Variants in GRIK3 observed in about 807,000 individuals in gnomAD.
GRIK3 encodes glutamate receptor ionotropic, kainate 3.
In GRIK3, 29 loss-of-function variants were observed where a neutral mutation model predicts 102.5. The observed-to-expected ratio is 0.28, with a 90% CI of 0.21 to 0.39. GRIK3 has a LOEUF of 0.39. Among genes scored for constraint, GRIK3 ranks in the 10% least tolerant of loss-of-function variants. The probability of loss-of-function intolerance (pLI) is 1.00; values close to 1 mark genes in which losing one functional copy is unlikely to be tolerated. For missense variants in GRIK3, 908 were observed against 1,252.4 expected (o/e 0.73, Z 4.15); for synonymous variants, 511 against 504.9 (o/e 1.01, Z -0.16).
At chr1:36,827,595 G>A (rs1416710984) in intron 10 of GRIK3, among the ~76,000 whole-genome samples, 2 of 152,142 alleles carry the variant, frequency 1.3e-5, no homozygotes, top group Admixed American at 1.3e-4. Flanking sequence ...CTGCCCTCAT[G>A]GAGCTTACAG....
intron 1 of GRIK3, among the ~76,000 whole-genome samples, chr1:36,947,559 TCTC>T (rs994685163): frequency 7.2e-5 from 11 of 152,274 alleles, no homozygotes; most frequent in African/African-American, 2.6e-4. Flanking sequence ...CCTGTCAGGT[TCTC>T]CTCTCCCCGT....
In GRIK3 at chr1:37,034,144, G is replaced by C. The variant is rs763321065; in HGVS notation, c.-36C>G. The C allele has an allele frequency of 1.3e-5, 15 of 1,165,504 alleles. No individual in the cohort carries two copies. The African/African-American group carries it at 1.9e-4, about 15-fold the overall frequency. The allele number at this position is 1,165,504 out of a possible 1,614,324, so 72.2% of individuals were successfully genotyped here. A position where few individuals can be genotyped will look rare whatever the true frequency, so the allele number is the denominator to read the frequency against. ...CGCCGAGCGTGCCCGGGGCGCGGCCGTGGCGGGCTCCCTGGGGCGGCAGCT... is the reference window on the plus strand; with the variant it reads ...CGCCGAGCGTGCCCGGGGCGCGGCCCTGGCGGGCTCCCTGGGGCGGCAGCT... On this transcript the variant is annotated 5_prime_UTR_variant, in exon 1 of 16. Transcript: ENST00000373091.
At chr1:36,971,292 T>G (rs1228048388) in intron 1 of GRIK3, among the ~76,000 whole-genome samples, 1 of 152,208 alleles carries the variant, frequency 6.6e-6, no homozygotes, top group Admixed American at 6.5e-5. Flanking sequence ...AGGGCTTTAT[T>G]CAAGAGCTTG....
At chr1:36,857,990 G>A (rs1017390406) in intron 7 of GRIK3, among the ~76,000 whole-genome samples, 6 of 152,360 alleles carry the variant, frequency 3.9e-5, no homozygotes, top group Admixed American at 2.6e-4. Context: ...TTGAATAAAT[G>A]AGTGTGCTCC....
chr1:37,004,289 C>A (rs954374168), intron 1 of GRIK3, among the ~76,000 whole-genome samples: 5 of 152,180 alleles, frequency 3.3e-5, no homozygotes, highest in Non-Finnish European at 7.3e-5. Flanking sequence ...GATAATAATA[C>A]CAGCCTATCT....
intron 1 of GRIK3, among the ~76,000 whole-genome samples, chr1:36,964,453 T>C (rs748210826): frequency 3.9e-5 from 6 of 152,132 alleles, no homozygotes; most frequent in Non-Finnish European, 7.4e-5. Flanking sequence ...GCAGCATCCA[T>C]AGACAAGTCC....
chr1:37,021,616 G>T (rs532616712), intron 1 of GRIK3, among the ~76,000 whole-genome samples: 1 of 152,258 alleles, frequency 6.6e-6, no homozygotes, highest in South Asian at 2.1e-4. Context: ...TAAAATAGAC[G>T]GCTGTCACCT....
At chr1:37,004,498 C>T (rs1402663695) in intron 1 of GRIK3, among the ~76,000 whole-genome samples, 1 of 152,178 alleles carries the variant, frequency 6.6e-6, no homozygotes, top group Non-Finnish European at 1.5e-5. Context: ...TCCCAGCCCC[C>T]ACTTTCCTGC....
chr1:37,027,841 A>G (rs528017751), intron 1 of GRIK3, among the ~76,000 whole-genome samples: 2 of 152,202 alleles, frequency 1.3e-5, no homozygotes, highest in Admixed American at 1.3e-4. Context: ...CCCTGGCCCC[A>G]TGGGAGAAGG....
Position 36,856,628 on chromosome 1 carries a change from C to A in GRIK3, c.1104+2480G>T, listed in dbSNP as rs931162260. ...CTGTGGGACCACAGGTACCACGGGG[C>A]TATTCTGGGCCTTAGCCATGTCCAT... On this transcript the variant is annotated intron_variant, in intron 7 of 15. Coordinates refer to ENST00000373091, the MANE Select transcript of GRIK3 (RefSeq NM_000831.4). 5.3e-5 allele frequency among the ~76,000 whole-genome samples: 8 copies of A among 152,272 alleles called. No homozygotes were observed. In the East Asian group the frequency reaches 7.7e-4, roughly 15 times the overall value.
At chr1:36,826,680 T>TAAAAA (rs57217516) in intron 10 of GRIK3, among the ~76,000 whole-genome samples, 2 of 108,086 alleles carry the variant, frequency 1.9e-5, no homozygotes, top group Non-Finnish European at 2.0e-5. Context: ...TTTCAAAAAA[T>TAAAAA]AAAAAAAAAA....
intron 15 of GRIK3, 71 bp downstream of exon 15, chr1:36,804,916 C>A: frequency 6.4e-7 from 1 of 1,559,336 alleles, no homozygotes; most frequent in Non-Finnish European, 8.8e-7. Context: ...GTGTGCCTGG[C>A]ACATACAGGA....
At chr1:36,875,595 C>A (rs370741988) in intron 3 of GRIK3, among the ~76,000 whole-genome samples, 1 of 152,186 alleles carries the variant, frequency 6.6e-6, no homozygotes, top group Non-Finnish European at 1.5e-5. Context: ...CAATGTGCCT[C>A]GGCTATCCTG....
chr1:36,801,040 C>G lies in GRIK3; in HGVS notation c.*811G>C, dbSNP rs1046818179. The G allele has an allele frequency of 6.6e-6, 1 of 152,164 alleles. No individual in the cohort carries two copies. Among genetic ancestry groups the G allele is most frequent in the Non-Finnish European group, 1.5e-5 (1 of 68,042 alleles). The allele number at this position is 152,164 out of a possible 1,614,324, so 9.4% of individuals were successfully genotyped here. A position where few individuals can be genotyped will look rare whatever the true frequency, so the allele number is the denominator to read the frequency against. ...AATACCGGCTGCATCTTTGGGCATC[C>G]TTTGTGAGAAATTCAGGGGGTCCTC... On this transcript the variant is annotated 3_prime_UTR_variant, in exon 16 of 16. Transcript: ENST00000373091.
chr1:36,948,342 C>G (rs1421494635), intron 1 of GRIK3, among the ~76,000 whole-genome samples: 1 of 152,206 alleles, frequency 6.6e-6, no homozygotes, highest in Non-Finnish European at 1.5e-5. Flanking sequence ...TACTACGTGC[C>G]AGGCTCCATG....
intron 5 of GRIK3, among the ~76,000 whole-genome samples, chr1:36,867,148 G>A (rs1490714478): frequency 6.6e-6 from 1 of 152,128 alleles, no homozygotes; most frequent in Admixed American, 6.5e-5. Flanking sequence ...GACACTGGCC[G>A]GGGCTAGTCT....
intron 1 of GRIK3, among the ~76,000 whole-genome samples, chr1:37,022,140 C>T (rs1026653631): frequency 5.3e-5 from 8 of 152,240 alleles, no homozygotes; most frequent in Admixed American, 3.3e-4. Context: ...AACACCTCTG[C>T]TTTACACCAA....
At chr1:36,895,091 C>T (rs1641158897) in intron 1 of GRIK3, among the ~76,000 whole-genome samples, 1 of 152,090 alleles carries the variant, frequency 6.6e-6, no homozygotes, top group Non-Finnish European at 1.5e-5. Context: ...CGCCCAGGGG[C>T]ACAGGCTCAC....
chr1:36,989,418 G>C (rs1642341118), intron 1 of GRIK3, among the ~76,000 whole-genome samples: 1 of 152,216 alleles, frequency 6.6e-6, no homozygotes, highest in Admixed American at 6.5e-5. Context: ...CTGGGGAGGA[G>C]TTGCCCTTCA....
Sources: allele counts gnomAD v4.1 joint callset (sites outside exome capture counted in the v4.1 genomes callset), GRCh38; gene constraint gnomAD v4.1.1; transcripts MANE v1.5; gene names NCBI Gene and HGNC (gene_info 2026-07-23, HGNC 2026-07-21).